EVI5: variants seen among roughly 807,000 people sequenced by gnomAD.
The protein encoded by EVI5 is ecotropic viral integration site 5 protein homolog.
EVI5 carries 73 observed loss-of-function variants against 112.0 expected under a neutral mutation model. The observed-to-expected ratio is 0.65, with a 90% CI of 0.54 to 0.79. The LOEUF (loss-of-function observed/expected upper bound fraction) is 0.79, where lower values mean the gene tolerates loss of function less well. EVI5 is among the 30% of genes least tolerant of loss of function. The pLI, the probability that EVI5 is intolerant of heterozygous loss-of-function variation, is 0.00. For synonymous variants in EVI5, 305 were observed against 319.9 expected (o/e 0.95, Z 0.50); for missense variants, 900 against 968.8 (o/e 0.93, Z 0.94).
chr1:92,754,327 T>C (rs1042628211), intron 1 of EVI5, among the ~76,000 whole-genome samples: 2 of 152,258 alleles, frequency 1.3e-5, no homozygotes, highest in African/African-American at 4.8e-5. Context: ...ATATGGTTCC[T>C]GTCCTGTCTT....
At chr1:92,614,836 TATTTTATATATA>T (rs1652678278) in intron 16 of EVI5, among the ~76,000 whole-genome samples, 1 of 17,568 alleles carries the variant, frequency 5.7e-5, no homozygotes, top group Admixed American at 1.0e-3. Flanking sequence ...TTTTATGTTA[TATTTTATATATA>T]TATATATATA....
chr1:92,732,480 G>A (rs544025332), intron 2 of EVI5: 1 of 192,840 alleles, frequency 5.2e-6, no homozygotes, highest in African/African-American at 2.4e-5. Context: ...CTGCCACAGG[G>A]AGAAACTATT....
chr1:92,593,718 A>G (rs1452550717), intron 18 of EVI5, among the ~76,000 whole-genome samples: 2 of 152,342 alleles, frequency 1.3e-5, no homozygotes, highest in Admixed American at 1.3e-4. Context: ...CAACTTCAGC[A>G]AAGTCTCAGG....
chr1:92,527,269 G>A (rs1224914777), intron 19 of EVI5, among the ~76,000 whole-genome samples: 1 of 151,982 alleles, frequency 6.6e-6, no homozygotes, highest in African/African-American at 2.4e-5. Context: ...ACAAAAATCA[G>A]CCAGGCAAGG....
At chr1:92,711,480 C>T (rs942543675) in intron 2 of EVI5, among the ~76,000 whole-genome samples, 1 of 152,100 alleles carries the variant, frequency 6.6e-6, no homozygotes, top group African/African-American at 2.4e-5. Context: ...AAGAAAAACG[C>T]TGTATGATAC....
At chr1:92,655,232 G>A (rs1173659582) in intron 13 of EVI5, among the ~76,000 whole-genome samples, 6 of 151,794 alleles carry the variant, frequency 4.0e-5, no homozygotes, top group African/African-American at 7.3e-5. Context: ...CAAGAGAAAG[G>A]TGTCTAATCA....
At chr1:92,549,176 G>T (rs577559078) in intron 19 of EVI5, among the ~76,000 whole-genome samples, 1 of 152,092 alleles carries the variant, frequency 6.6e-6, no homozygotes. Context: ...TAGAACAGAG[G>T]CCTCAGAAAT....
Position 92,537,088 on chromosome 1 carries a change from T to C in EVI5, c.2167-23118A>G, listed in dbSNP as rs369977020. On this transcript the variant is annotated intron_variant, in intron 19 of 19. Coordinates refer to ENST00000684568, the MANE Select transcript of EVI5 (RefSeq NM_001350197.2). ...CAAAAGAATAAGAGGAAGGGCTGCA[T>C]TGGGTATTTTGAAAGACAATCAATC... Among the ~76,000 whole-genome samples, 52 of 152,290 alleles carry C rather than the reference T, an allele frequency of 3.4e-4. No homozygotes were observed. In the East Asian group the frequency reaches 8.9e-3, roughly 26 times the overall value.
Position 92,736,440 on chromosome 1 carries a change from G to A in EVI5, c.107C>T (p.Pro36Leu). 6.2e-7 allele frequency: 1 copy of A among 1,613,790 alleles called. No individual in the cohort carries two copies. Among genetic ancestry groups the A allele is most frequent in the Non-Finnish European group, 8.5e-7 (1 of 1,179,744 alleles). ...LSPSSPSQLS[P>L]DDLELLAKLE... ...TTTAGCCAGGAGTTCTAAGTCGTCT[G>A]GACTCAACTGTGATGGGGAAGATGG... is the stretch of plus-strand genomic sequence containing the variant. Residue 36 changes from proline (P) to leucine (L), a missense_variant, in exon 2 of 20, where the codon CCA (proline) becomes CTA (leucine). Transcript: ENST00000684568.
chr1:92,650,505 C>T (rs1048905191), intron 13 of EVI5, among the ~76,000 whole-genome samples: 7 of 152,006 alleles, frequency 4.6e-5, no homozygotes, highest in Middle Eastern at 3.4e-3. Flanking sequence ...TCATTGCTGG[C>T]GCATTCTTTT....
chr1:92,644,078 T>G (rs1167063294), intron 13 of EVI5, among the ~76,000 whole-genome samples: 1 of 152,162 alleles, frequency 6.6e-6, no homozygotes, highest in African/African-American at 2.4e-5. Flanking sequence ...AGATAGTTAT[T>G]TGGTACAAAA....
At chr1:92,666,376 C>T (rs1263529968) in intron 10 of EVI5, among the ~76,000 whole-genome samples, 3 of 151,238 alleles carry the variant, frequency 2.0e-5, no homozygotes, top group Non-Finnish European at 2.9e-5. Flanking sequence ...CACACACACA[C>T]ATGCATGCAT....
Position 92,749,213 on chromosome 1 carries a change from A to G in EVI5, c.-81-12586T>C, listed in dbSNP as rs780114102. ...CCTCCAGTAGAGGGCACACTCTTGCAAGCAGCTTTTGTAGCCAGTTGCTTC... is the reference window on the plus strand; with the variant it reads ...CCTCCAGTAGAGGGCACACTCTTGCGAGCAGCTTTTGTAGCCAGTTGCTTC... On this transcript the variant is annotated intron_variant, in intron 1 of 19. Transcript: ENST00000684568. The G allele has an allele frequency of 5.5e-4, 179 of 327,308 alleles. 2 individuals are homozygous for G. Among genetic ancestry groups the G allele is most frequent in the Non-Finnish European group, 8.9e-4 (147 of 165,084 alleles). The allele number at this position is 327,308 out of a possible 1,614,324, so 20.3% of individuals were successfully genotyped here. A position where few individuals can be genotyped will look rare whatever the true frequency, so the allele number is the denominator to read the frequency against.
intron 18 of EVI5, among the ~76,000 whole-genome samples, chr1:92,568,663 C>T (rs961976913): frequency 5.9e-5 from 9 of 152,092 alleles, no homozygotes; most frequent in African/African-American, 2.2e-4. Flanking sequence ...TGTGGACTTT[C>T]GTCTGCCTCT....
intron 19 of EVI5, among the ~76,000 whole-genome samples, chr1:92,517,105 G>A (rs548512529): frequency 1.2e-4 from 18 of 152,150 alleles, no homozygotes; most frequent in South Asian, 2.1e-4. Flanking sequence ...AAATATGGTC[G>A]GATCTCTGTA....
chr1:92,565,097 T>G (rs571079480), intron 18 of EVI5, among the ~76,000 whole-genome samples: 1 of 152,218 alleles, frequency 6.6e-6, no homozygotes, highest in Non-Finnish European at 1.5e-5. Flanking sequence ...TCCGGAGCCA[T>G]CTACTGAAAC....
In EVI5 at chr1:92,779,411, T is replaced by C. The variant is rs907933367; in HGVS notation, c.-82+5425A>G. Among the ~76,000 whole-genome samples the C allele has an allele frequency of 5.9e-5, 9 of 151,834 alleles. 1 individual carries two copies. The highest frequency in any genetic ancestry group is 3.9e-4 in the Admixed American group (6 of 15,236). Reference sequence around the variant, plus strand: ...GATGGCAGATGCCTGTAATACCAGCTACTTGGAGGGCCGAGACGGGGAATC... The same window carrying C: ...GATGGCAGATGCCTGTAATACCAGCCACTTGGAGGGCCGAGACGGGGAATC... On this transcript the variant is annotated intron_variant, in intron 1 of 19. Coordinates refer to ENST00000684568, the MANE Select transcript of EVI5 (RefSeq NM_001350197.2).
chr1:92,661,216 C>A (rs753983905), intron 13 of EVI5, among the ~76,000 whole-genome samples: 1 of 151,964 alleles, frequency 6.6e-6, no homozygotes, highest in African/African-American at 2.4e-5. Context: ...AAATTTAAAA[C>A]CCTTATTCTG....
chr1:92,595,909 T>G (rs989698807), intron 18 of EVI5, among the ~76,000 whole-genome samples: 2 of 152,210 alleles, frequency 1.3e-5, no homozygotes, highest in Non-Finnish European at 2.9e-5. Flanking sequence ...TAAGAAAACT[T>G]ATATAACTAC....
Sources: gnomAD v4.1 joint callset for allele counts (sites outside exome capture counted in the v4.1 genomes callset) on GRCh38, gnomAD v4.1.1 for gene constraint, MANE v1.5 for transcripts, NCBI Gene and HGNC (gene_info 2026-07-23, HGNC 2026-07-21) for gene names.